The following CSF2RA variants were observed in gnomAD, a reference collection of about 807,000 sequenced individuals.
CSF2RA encodes granulocyte-macrophage colony-stimulating factor receptor subunit alpha.
CSF2RA carries 42 observed loss-of-function variants against 51.6 expected under a neutral mutation model. The observed-to-expected ratio is 0.81, with a 90% confidence interval of 0.64 to 1.05. CSF2RA has a LOEUF of 1.05. Among genes scored for constraint, CSF2RA ranks in the 50% least tolerant of loss-of-function variants. The probability of loss-of-function intolerance (pLI) is 0.00; values close to 1 mark genes in which losing one functional copy is unlikely to be tolerated. For synonymous variants in CSF2RA, 222 were observed against 193.0 expected, an observed-to-expected ratio of 1.15 and a Z score of -1.24; for missense variants, 530 against 501.1, an observed-to-expected ratio of 1.06 and a Z score of -0.55.
At chrX:1,295,287 G>A in intron 8 of CSF2RA, 140 bp from the exon 9 acceptor site, 1 of 1,028,584 alleles carries the variant, frequency 9.7e-7, no homozygotes, top group South Asian at 1.3e-5. Context: ...TTCGGGGTTT[G>A]TGGAGGGAGA....
chrX:1,278,136 C>G (rs2089440888), intron 2 of CSF2RA, among the ~76,000 whole-genome samples: 1 of 146,022 alleles, frequency 6.8e-6, no homozygotes, highest in Non-Finnish European at 1.5e-5. Flanking sequence ...GAGTTCGAGA[C>G]CAGCCTCGCC....
chrX:1,286,770 A>G (rs1243165635), intron 4 of CSF2RA, among the ~76,000 whole-genome samples: 1 of 152,044 alleles, frequency 6.6e-6, no homozygotes, highest in Non-Finnish European at 1.5e-5. Flanking sequence ...TTACCCCAAG[A>G]GAAGAGAAAT....
chrX:1,289,046 C>T lies in CSF2RA; in HGVS notation c.473+158C>T, dbSNP rs73618033. On this transcript the variant is annotated intron_variant, in intron 6 of 12. Coordinates refer to ENST00000381529, the MANE Select transcript of CSF2RA (RefSeq NM_172245.4). ...GTGCCACCTCGGCTCACTGCAACCT[C>T]GACCTCCTGGGTTCAAGCAATTTTC... 11,480 of 977,630 alleles carry T rather than the reference C, an allele frequency of 0.012. 727 individuals are homozygous for T. The African/African-American group carries it at 0.15, about 13-fold the overall frequency. The allele number at this position is 977,630 out of a possible 1,614,324, so 60.6% of individuals were successfully genotyped here.
At chrX:1,315,086 T>G (rs1200346542), downstream of CSF2RA, among the ~76,000 whole-genome samples, 1 of 151,710 alleles carries the variant, frequency 6.6e-6, no homozygotes, top group African/African-American at 2.4e-5. Flanking sequence ...TGGAGAAGAC[T>G]GTTTATAAGA....
chrX:1,311,199 A>C (rs1462742520), downstream of CSF2RA, among the ~76,000 whole-genome samples: 1 of 151,580 alleles, frequency 6.6e-6, no homozygotes, highest in Non-Finnish European at 1.5e-5. Flanking sequence ...CAGTGAGCCA[A>C]GATCACGCCA....
chrX:1,295,511 TAC>T, intron 9 of CSF2RA, 55 bp downstream of exon 9: 6 of 1,519,662 alleles, frequency 3.9e-6, no homozygotes, highest in South Asian at 1.2e-5. Flanking sequence ...TACGGTCCCC[TAC>T]TCACCACACC....
In CSF2RA at chrX:1,285,942, C is replaced by T. The variant is rs762610816; in HGVS notation, c.219+22C>T. Reference sequence around the variant, plus strand: ...CAGGGTGAGACGAATTTCCCATTCTCAACCCCTGTCCTTTACACACCCCTT... The same window carrying T: ...CAGGGTGAGACGAATTTCCCATTCTTAACCCCTGTCCTTTACACACCCCTT... On this transcript the variant is annotated intron_variant, in intron 4 of 12. Transcript: ENST00000381529. 12 of 1,613,780 alleles carry T rather than the reference C, an allele frequency of 7.4e-6. No homozygotes were observed. In the South Asian group the frequency reaches 1.3e-4, roughly 18 times the overall value.
At chrX:1,288,686 C>G in intron 5 of CSF2RA, 44 bp downstream of exon 5, 1 of 1,613,906 alleles carries the variant, frequency 6.2e-7, no homozygotes, top group Non-Finnish European at 8.5e-7. Context: ...ACTGGCCCCA[C>G]CACCCCGCCA....
chrX:1,300,684 G>A (rs1383427972), intron 10 of CSF2RA, 58 bp downstream of exon 10: 37 of 1,611,790 alleles, frequency 2.3e-5, no homozygotes, highest in Non-Finnish European at 3.1e-5. Context: ...CCTGCAGCAG[G>A]CACAGAGGTC....
At chrX:1,281,829 C>A (rs1464649529) in intron 2 of CSF2RA, 1 of 141,834 alleles carries the variant, frequency 7.1e-6, no homozygotes, top group African/African-American at 2.6e-5. Flanking sequence ...CCCTTTTTTT[C>A]TTCCTCTTCT....
At chrX:1,280,485 A>AG (rs1183062034) in intron 2 of CSF2RA, among the ~76,000 whole-genome samples, 100 of 147,224 alleles carry the variant, frequency 6.8e-4, no homozygotes, top group African/African-American at 2.0e-3. Context: ...AAAAAAAAAA[A>AG]AAAAAGAAGA....
At chrX:1,296,205 C>T (rs758888815) in intron 9 of CSF2RA, among the ~76,000 whole-genome samples, 1 of 150,916 alleles carries the variant, frequency 6.6e-6, no homozygotes, top group South Asian at 2.1e-4. Context: ...ATACAGTTCC[C>T]TATCCATGAC....
At chrX:1,305,410 G>T (rs766146415) in intron 11 of CSF2RA, 36 bp from the exon 12 acceptor site, 2 of 1,609,974 alleles carry the variant, frequency 1.2e-6, no homozygotes, top group Non-Finnish European at 1.7e-6. Flanking sequence ...GGTGACCCGG[G>T]GTTCATTCTC....
chrX:1,297,800 C>G (rs2092067172), intron 9 of CSF2RA, among the ~76,000 whole-genome samples: 4 of 131,546 alleles, frequency 3.0e-5, no homozygotes, highest in Non-Finnish European at 6.5e-5. Flanking sequence ...CTACAGTCCC[C>G]TACCCATGAC....
At chrX:1,280,163 A>AG (rs2089710880) in intron 2 of CSF2RA, among the ~76,000 whole-genome samples, 1 of 152,056 alleles carries the variant, frequency 6.6e-6, no homozygotes, top group Admixed American at 6.6e-5. Flanking sequence ...CACCAGGTGC[A>AG]GATGCTTGAA....
chrX:1,277,425 A>G (rs1356595080), intron 2 of CSF2RA, among the ~76,000 whole-genome samples: 2 of 149,154 alleles, frequency 1.3e-5, no homozygotes, highest in Non-Finnish European at 3.0e-5. Context: ...GTGAAACCCC[A>G]TCTCTACTAA....
Position 1,294,449 on chromosome X carries a change from C to A in CSF2RA, c.768C>A (p.Asp256Glu). ...LSYLDFQYQL[D>E]VHRKNTQPGT... ...ACCTGGACTTTCAGTACCAGCTGGA[C>A]GTCCACAGAAAGGTCGGTGAGAGCT... The change falls in exon 8 of 13, where the codon GAC (aspartate) becomes GAA (glutamate). Residue 256 changes from aspartate to glutamate, a missense_variant. Transcript: ENST00000381529. 1.2e-6 allele frequency: 2 copies of A among 1,610,074 alleles called. No individual in the cohort carries two copies. The highest frequency in any genetic ancestry group is 1.7e-6 in the Non-Finnish European group (2 of 1,179,808).
chrX:1,291,553 G>A (rs1487445223), intron 7 of CSF2RA, among the ~76,000 whole-genome samples: 29 of 151,582 alleles, frequency 1.9e-4, no homozygotes, highest in African/African-American at 6.3e-4. Context: ...CAAGCCCACC[G>A]CATCCCACCC....
downstream of CSF2RA, chrX:1,310,448 C>T (rs2084116865): frequency 6.6e-6 from 1 of 151,146 alleles, no homozygotes; most frequent in South Asian, 2.1e-4. Flanking sequence ...GCGGGAGGAT[C>T]ACGAGGTCAG....
Sources: gnomAD v4.1 joint callset for allele counts (sites outside exome capture counted in the v4.1 genomes callset) on GRCh38, gnomAD v4.1.1 for gene constraint, MANE v1.5 for transcripts, NCBI Gene and HGNC (gene_info 2026-07-23, HGNC 2026-07-21) for gene names.